SEL1L2: variants seen among roughly 807,000 people sequenced by gnomAD.
The protein encoded by SEL1L2 is SEL1L2 adaptor subunit of SYVN1 ubiquitin ligase, also known as protein sel-1 homolog 2.
In SEL1L2, 89 loss-of-function variants were observed where a neutral mutation model predicts 98.8. The observed-to-expected ratio is 0.90, with a 90% confidence interval of 0.76 to 1.07. The LOEUF (loss-of-function observed/expected upper bound fraction) is 1.07. SEL1L2 is among the 50% of genes least tolerant of loss of function. SEL1L2 has a pLI of 0.00. For synonymous variants in SEL1L2, 262 were observed against 278.5 expected (o/e 0.94, Z 0.59); for missense variants, 788 against 812.0 (o/e 0.97, Z 0.36).
chr20:13,958,384 C>T (rs1322056384), intron 1 of SEL1L2, among the ~76,000 whole-genome samples: 2 of 152,084 alleles, frequency 1.3e-5, no homozygotes, highest in Non-Finnish European at 2.9e-5. Context: ...TATTGGAATA[C>T]GCTACTTAAA....
At position 13,859,349 on chromosome 20, in the gene SEL1L2, G is replaced by T; in HGVS notation, c.1731C>A (p.His577Gln). 6.2e-7 allele frequency: 1 copy of T among 1,614,132 alleles called. No homozygotes were observed. The highest frequency in any genetic ancestry group is 8.5e-7 in the Non-Finnish European group (1 of 1,179,980). ...GGTATTTGTTGGCTGCAATGCTGTAGTGTGTGGCTGCTGTTTGATAGTCTT... is the reference window on the plus strand; with the variant it reads ...GGTATTTGTTGGCTGCAATGCTGTATTGTGTGGCTGCTGTTTGATAGTCTT... ...TKKDYQTAAT[H>Q]YSIAANKYHN... Residue 577 changes from histidine to glutamine, a missense_variant, in exon 18 of 20, where the codon CAC becomes CAA. By Grantham distance (24) the His-to-Gln change is conservative (BLOSUM62 0). Coordinates refer to ENST00000284951, the MANE Select transcript of SEL1L2 (RefSeq NM_025229.2).
intron 2 of SEL1L2, among the ~76,000 whole-genome samples, chr20:13,947,357 C>T (rs1169246064): frequency 6.6e-6 from 1 of 152,078 alleles, no homozygotes; most frequent in Non-Finnish European, 1.5e-5. Context: ...GATGGGATGA[C>T]CTGCCTGCAG....
chr20:13,926,226 A>T (rs1417060448), intron 3 of SEL1L2, among the ~76,000 whole-genome samples: 1 of 152,174 alleles, frequency 6.6e-6, no homozygotes, highest in Non-Finnish European at 1.5e-5. Context: ...GAGGCAGGAG[A>T]ATGGCGTGAA....
intron 3 of SEL1L2, among the ~76,000 whole-genome samples, chr20:13,930,995 G>A (rs1568990562): frequency 6.6e-6 from 1 of 151,490 alleles, no homozygotes; most frequent in Non-Finnish European, 1.5e-5. Flanking sequence ...AGTTGGGCCT[G>A]GTGGCACACA....
At chr20:13,926,447 C>A (rs971482141) in intron 3 of SEL1L2, among the ~76,000 whole-genome samples, 3 of 152,204 alleles carry the variant, frequency 2.0e-5, no homozygotes, top group African/African-American at 7.2e-5. Context: ...AAACACCTGG[C>A]TGACCCCACA....
At chr20:13,919,766 A>G (rs1232278999) in intron 3 of SEL1L2, among the ~76,000 whole-genome samples, 1 of 151,908 alleles carries the variant, frequency 6.6e-6, no homozygotes, top group Non-Finnish European at 1.5e-5. Flanking sequence ...TCTCTACTGA[A>G]AATACAAAAA....
intron 1 of SEL1L2, among the ~76,000 whole-genome samples, chr20:13,972,048 T>C (rs1184420432): frequency 6.6e-6 from 1 of 152,166 alleles, no homozygotes; most frequent in Non-Finnish European, 1.5e-5. Flanking sequence ...TCTCTGTGTG[T>C]GTGAGGACAC....
chr20:13,849,668 T>C (rs528466772), intron 19 of SEL1L2, 64 bp from the exon 20 acceptor site: 26 of 1,583,404 alleles, frequency 1.6e-5, no homozygotes, highest in East Asian at 6.7e-5. Flanking sequence ...AGAGCCACCA[T>C]CTCTTCCCAA....
At chr20:13,992,182 T>C (rs1468551869), upstream of SEL1L2, among the ~76,000 whole-genome samples, 1 of 152,096 alleles carries the variant, frequency 6.6e-6, no homozygotes, top group Admixed American at 6.5e-5. Flanking sequence ...AAACAAATCA[T>C]GTCCCAGGTG....
intron 18 of SEL1L2, among the ~76,000 whole-genome samples, chr20:13,855,412 T>C (rs911300608): frequency 1.3e-5 from 2 of 151,484 alleles, no homozygotes; most frequent in South Asian, 4.2e-4. Context: ...CGGTTTTATT[T>C]GGGGGAGAGG....
chr20:13,923,572 G>A (rs978357476), intron 3 of SEL1L2, among the ~76,000 whole-genome samples: 2 of 152,120 alleles, frequency 1.3e-5, no homozygotes, highest in Admixed American at 1.3e-4. Context: ...TGGGCAACAT[G>A]GTGAAACCTC....
chr20:13,946,748 G>A (rs564746354), intron 2 of SEL1L2, among the ~76,000 whole-genome samples: 25 of 151,774 alleles, frequency 1.6e-4, no homozygotes, highest in African/African-American at 4.8e-4. Context: ...CTCCCATCCC[G>A]CAGGCTTGGA....
chr20:13,992,397 G>A (rs897085285), upstream of SEL1L2, among the ~76,000 whole-genome samples: 1 of 152,002 alleles, frequency 6.6e-6, no homozygotes, highest in Non-Finnish European at 1.5e-5. Flanking sequence ...TCAGCTACTC[G>A]GGAGGCTGAG....
At position 13,885,409 on chromosome 20, in the gene SEL1L2, A is replaced by C; in HGVS notation, c.901-6T>G. The C allele has an allele frequency of 8.8e-6, 14 of 1,585,988 alleles. No individual in the cohort carries two copies. The highest frequency in any genetic ancestry group is 1.2e-5 in the Non-Finnish European group (14 of 1,154,400). The stretch of plus-strand genomic sequence containing the variant: ...TGTAATTGTCCAAGAGAGACCTAGG[A>C]ATGATGAGTTTGGAAATGATTTTAG... On this transcript the variant is annotated splice_region_variant and splice_polypyrimidine_tract_variant and intron_variant, in intron 9 of 19. Coordinates refer to ENST00000284951, the MANE Select transcript of SEL1L2 (RefSeq NM_025229.2).
chr20:13,990,718 G>A, upstream of SEL1L2: 1 of 562,110 alleles, frequency 1.8e-6, no homozygotes, highest in East Asian at 3.1e-5. Context: ...AGCTGCTGGA[G>A]AATGTAGGCT....
At chr20:13,950,779 C>A (rs1350223587) in intron 2 of SEL1L2, among the ~76,000 whole-genome samples, 4 of 152,140 alleles carry the variant, frequency 2.6e-5, no homozygotes, top group African/African-American at 9.7e-5. Flanking sequence ...TCTCTTACTA[C>A]TTTCCCAATG....
chr20:13,871,774 AG>A (rs5840583), intron 12 of SEL1L2, among the ~76,000 whole-genome samples: 49,379 of 151,894 alleles, frequency 0.33, 8,346 homozygotes, highest in Middle Eastern at 0.52. Context: ...AGCTTCCCAA[AG>A]TGGTGGGATT....
chr20:13,991,195 CAT>C (rs2052522542), upstream of SEL1L2, among the ~76,000 whole-genome samples: 1 of 152,142 alleles, frequency 6.6e-6, no homozygotes, highest in Non-Finnish European at 1.5e-5. Context: ...TTAGGGAAAA[CAT>C]ATAAATATTA....
At chr20:13,895,660 A>G (rs1400782295) in intron 5 of SEL1L2, among the ~76,000 whole-genome samples, 1 of 152,234 alleles carries the variant, frequency 6.6e-6, no homozygotes, top group Non-Finnish European at 1.5e-5. Flanking sequence ...ATGGTAAAAA[A>G]CTGAATGCTT....
Sources: allele counts gnomAD v4.1 joint callset (sites outside exome capture counted in the v4.1 genomes callset), GRCh38; gene constraint gnomAD v4.1.1; transcripts MANE v1.5; gene names NCBI Gene and HGNC (gene_info 2026-07-23, HGNC 2026-07-21).